The following PID1 variants were observed in gnomAD, a reference collection of about 807,000 sequenced individuals.
PID1 encodes the protein phosphotyrosine interaction domain containing 1.
In PID1, 10 loss-of-function variants were observed where a neutral mutation model predicts 19.1. That is an observed-to-expected ratio of 0.52 (90% CI 0.32 to 0.89). PID1 has a LOEUF of 0.89. Among genes scored for constraint, PID1 ranks in the 40% least tolerant of loss-of-function variants. The probability of loss-of-function intolerance (pLI) is 0.03; values close to 1 mark genes in which losing one functional copy is unlikely to be tolerated. For missense variants in PID1, 248 were observed against 285.3 expected (o/e 0.87, Z 0.94); for synonymous variants, 130 against 116.0 (o/e 1.12, Z -0.78).
rs550379871 is a variant in PID1, at chr2:229,244,561, C to T, written c.30+26453G>A. On this transcript the variant is annotated intron_variant, in intron 1 of 2. Coordinates refer to ENST00000392055, the MANE Select transcript of PID1 (RefSeq NM_001100818.2). ...AATCCTTTAAAATCCTTTAATTTTTCTTCCTTTCAACTCAGTCAAAATTAG... is the reference window on the plus strand; with the variant it reads ...AATCCTTTAAAATCCTTTAATTTTTTTTCCTTTCAACTCAGTCAAAATTAG... 1.2e-4 allele frequency among the ~76,000 whole-genome samples: 18 copies of T among 152,192 alleles called. No homozygotes were observed. In the South Asian group the frequency reaches 3.5e-3, roughly 30 times the overall value.
chr2:229,253,713 A>G (rs1165025247), intron 1 of PID1, among the ~76,000 whole-genome samples: 2 of 152,194 alleles, frequency 1.3e-5, no homozygotes, highest in Non-Finnish European at 2.9e-5. Context: ...GGTATTTTAC[A>G]GAGCTTTCAA....
chr2:229,183,954 C>A (rs56129190), intron 1 of PID1, among the ~76,000 whole-genome samples: 2 of 1,818 alleles, frequency 1.1e-3, no homozygotes, highest in South Asian at 7.2e-3. Flanking sequence ...TATATATCCC[C>A]TATATATATC....
chr2:229,026,139 G>A, intron 2 of PID1, 31 bp from the exon 3 acceptor site: 2 of 1,484,646 alleles, frequency 1.3e-6, no homozygotes, highest in Non-Finnish European at 1.9e-6. Flanking sequence ...GAAAAGGGAG[G>A]CATCAGCAGA....
At chr2:229,092,208 A>G (rs1694890073) in intron 2 of PID1, among the ~76,000 whole-genome samples, 1 of 111,996 alleles carries the variant, frequency 8.9e-6, no homozygotes, top group South Asian at 2.7e-4. Flanking sequence ...ATCTTTAAGC[A>G]TTTCTTTAGT....
intron 1 of PID1, among the ~76,000 whole-genome samples, chr2:229,173,174 A>G (rs1408432188): frequency 2.0e-5 from 3 of 152,170 alleles, no homozygotes; most frequent in Admixed American, 6.5e-5. Context: ...CATTCCACCT[A>G]AACCCAACAT....
chr2:229,185,285 C>T (rs4973175), intron 1 of PID1, among the ~76,000 whole-genome samples: 135,191 of 151,722 alleles, frequency 0.89, 60,377 homozygotes, highest in African/African-American at 0.94. Context: ...AGCATCTGTC[C>T]GCCAAGACTC....
intron 2 of PID1, among the ~76,000 whole-genome samples, chr2:229,101,152 A>G (rs1288138855): frequency 6.6e-6 from 1 of 152,202 alleles, no homozygotes; most frequent in Non-Finnish European, 1.5e-5. Flanking sequence ...GAGGGGAGAA[A>G]GCATCAATAT....
intron 2 of PID1, among the ~76,000 whole-genome samples, chr2:229,114,990 A>G (rs1695380829): frequency 1.3e-5 from 2 of 152,238 alleles, no homozygotes; most frequent in South Asian, 4.1e-4. Context: ...CTGAACAATG[A>G]AAAAGTCAGA....
chr2:229,098,107 C>T (rs1021997214), intron 2 of PID1, among the ~76,000 whole-genome samples: 1 of 152,210 alleles, frequency 6.6e-6, no homozygotes, highest in Non-Finnish European at 1.5e-5. Context: ...AAGAGTGCTC[C>T]TGCTGCAGTA....
chr2:229,203,591 G>A (rs1468330438), intron 1 of PID1, among the ~76,000 whole-genome samples: 2 of 152,024 alleles, frequency 1.3e-5, no homozygotes, highest in Non-Finnish European at 2.9e-5. Flanking sequence ...TTCTCTACCA[G>A]CAACAATATG....
intron 1 of PID1, among the ~76,000 whole-genome samples, chr2:229,222,968 T>C (rs995450091): frequency 2.0e-5 from 3 of 151,982 alleles, no homozygotes; most frequent in African/African-American, 7.3e-5. Flanking sequence ...CCAAATCACT[T>C]CCTGTTATGA....
chr2:229,261,177 C>T (rs1438602411), intron 1 of PID1, among the ~76,000 whole-genome samples: 1 of 152,102 alleles, frequency 6.6e-6, no homozygotes, highest in Non-Finnish European at 1.5e-5. Context: ...GCTGTGTCTC[C>T]CTCACAGCCC....
chr2:229,218,138 A>G, intron 1 of PID1, among the ~76,000 whole-genome samples: 1 of 152,150 alleles, frequency 6.6e-6, no homozygotes, highest in East Asian at 1.9e-4. Context: ...ATTCTTTTTC[A>G]ATGAACCAAA....
intron 2 of PID1, among the ~76,000 whole-genome samples, chr2:229,132,649 T>C (rs531426013): frequency 6.6e-6 from 1 of 152,360 alleles, no homozygotes; most frequent in African/African-American, 2.4e-5. Context: ...TTAGGAGCAT[T>C]AATTAACATA....
chr2:229,077,428 C>G (rs922777280), intron 2 of PID1, among the ~76,000 whole-genome samples: 1 of 152,152 alleles, frequency 6.6e-6, no homozygotes, highest in African/African-American at 2.4e-5. Context: ...GTTGCAATTG[C>G]TTTTGATGTT....
chr2:229,050,237 C>A (rs776897696), intron 2 of PID1, among the ~76,000 whole-genome samples: 1 of 152,114 alleles, frequency 6.6e-6, no homozygotes. Context: ...CCCATTAGAG[C>A]GTGTGGTCAT....
chr2:229,145,605 C>A (rs529608439), intron 2 of PID1, among the ~76,000 whole-genome samples: 4 of 152,224 alleles, frequency 2.6e-5, no homozygotes, highest in African/African-American at 9.6e-5. Context: ...AAAGGTACTT[C>A]TCTCAGACAT....
intron 2 of PID1, among the ~76,000 whole-genome samples, chr2:229,108,786 G>A (rs967455096): frequency 3.9e-5 from 6 of 152,074 alleles, no homozygotes; most frequent in African/African-American, 1.4e-4. Flanking sequence ...GGACACAGTC[G>A]TCTGAGTGAT....
intron 2 of PID1, among the ~76,000 whole-genome samples, chr2:229,063,329 TC>T (rs1421759743): frequency 1.3e-5 from 2 of 152,102 alleles, no homozygotes; most frequent in Non-Finnish European, 2.9e-5. Flanking sequence ...GCTTCCAATT[TC>T]ATTTGTCTCA....
Sources: gnomAD v4.1 joint callset for allele counts (sites outside exome capture counted in the v4.1 genomes callset) on GRCh38, gnomAD v4.1.1 for gene constraint, MANE v1.5 for transcripts, NCBI Gene and HGNC (gene_info 2026-07-23, HGNC 2026-07-21) for gene names.